Variants in ZC3H12B observed in about 807,000 individuals in gnomAD.
ZC3H12B encodes the protein zinc finger CCCH-type containing 12B.
A neutral mutation model predicts 43.9 loss-of-function variants in ZC3H12B; 7 were observed. The ratio of observed to expected loss-of-function variants is 0.16; its 90% CI spans 0.09 to 0.30. The LOEUF (loss-of-function observed/expected upper bound fraction) is 0.30, where lower values mean the gene tolerates loss of function less well. Ranked by LOEUF, ZC3H12B falls within the 10% of genes least tolerant of loss-of-function variation. The pLI is 1.00. For synonymous variants in ZC3H12B, 222 were observed against 241.7 expected, an observed-to-expected ratio of 0.92 and a Z score of 0.76; for missense variants, 475 against 670.2, an observed-to-expected ratio of 0.71 and a Z score of 3.22.
At chrX:65,169,384 C>G in the ZC3H12B span, among the ~76,000 whole-genome samples, 1 of 111,998 alleles carries the variant, frequency 8.9e-6, no homozygotes, top group East Asian at 2.8e-4. Flanking sequence ...TTTGATTGCA[C>G]TGTGGTCTGA....
the ZC3H12B span, among the ~76,000 whole-genome samples, chrX:65,065,041 A>G: frequency 9.1e-6 from 1 of 110,390 alleles, no homozygotes; most frequent in South Asian, 3.9e-4. Flanking sequence ...GTGTCTTTGC[A>G]CATGAGATGG....
intron 3 of ZC3H12B, among the ~76,000 whole-genome samples, chrX:65,481,764 T>C (rs1041063766): frequency 8.9e-6 from 1 of 112,331 alleles, no homozygotes; most frequent in African/African-American, 3.2e-5. Flanking sequence ...GAGCAGCTCT[T>C]GAAAAAAGCA....
At chrX:65,276,440 A>T in the ZC3H12B span, among the ~76,000 whole-genome samples, 5 of 111,530 alleles carry the variant, frequency 4.5e-5, no homozygotes, top group Admixed American at 9.5e-5. Context: ...TTATAAAACC[A>T]GCAAGAGAAA....
chrX:65,391,013 A>G (rs186401215), intron 2 of ZC3H12B, among the ~76,000 whole-genome samples: 28 of 112,287 alleles, frequency 2.5e-4, no homozygotes, highest in Admixed American at 2.2e-3. Flanking sequence ...ACACTGGGAC[A>G]GACTGAGACA....
At chrX:65,353,446 C>G in the ZC3H12B span, among the ~76,000 whole-genome samples, 2 of 111,971 alleles carry the variant, frequency 1.8e-5, no homozygotes, top group African/African-American at 6.5e-5. Flanking sequence ...AGAACAAACA[C>G]TAGACATCAT....
At chrX:65,042,712 T>C in the ZC3H12B span, among the ~76,000 whole-genome samples, 1 of 112,262 alleles carries the variant, frequency 8.9e-6, no homozygotes, top group Non-Finnish European at 1.9e-5. Context: ...GGATTTTTGG[T>C]TGTACATAAT....
intron 1 of ZC3H12B, among the ~76,000 whole-genome samples, chrX:65,368,546 C>T (rs2066204628): frequency 9.0e-6 from 1 of 111,656 alleles, no homozygotes; most frequent in Non-Finnish European, 1.9e-5. Context: ...TGTAACTCAG[C>T]TATTATTCTT....
chrX:65,255,005 A>G, the ZC3H12B span, among the ~76,000 whole-genome samples: 1 of 111,524 alleles, frequency 9.0e-6, no homozygotes, highest in African/African-American at 3.3e-5. Context: ...AGACCAAAAA[A>G]TAAAAATAAA....
the ZC3H12B span, among the ~76,000 whole-genome samples, chrX:65,224,755 T>C: frequency 8.9e-6 from 1 of 112,035 alleles, no homozygotes; most frequent in East Asian, 2.8e-4. Flanking sequence ...CCTAGGCCCA[T>C]GGAGTCTCGC....
chrX:65,461,541 T>C (rs1190933113), intron 3 of ZC3H12B, among the ~76,000 whole-genome samples: 1 of 112,129 alleles, frequency 8.9e-6, no homozygotes, highest in African/African-American at 3.2e-5. Context: ...GATGAGTTCT[T>C]GTCCTTTGTA....
At chrX:65,094,673 ACACT>A in the ZC3H12B span, among the ~76,000 whole-genome samples, 1 of 112,844 alleles carries the variant, frequency 8.9e-6, no homozygotes, top group East Asian at 2.8e-4. Flanking sequence ...TCAATACCAC[ACACT>A]CACAGTAAAA....
At chrX:65,068,105 C>A in the ZC3H12B span, among the ~76,000 whole-genome samples, 2 of 60,776 alleles carry the variant, frequency 3.3e-5, no homozygotes, top group Admixed American at 1.7e-4. Flanking sequence ...CTTGATGTTA[C>A]TTTTTTTTTT....
chrX:65,095,268 T>C, the ZC3H12B span, among the ~76,000 whole-genome samples: 4 of 111,848 alleles, frequency 3.6e-5, no homozygotes, highest in South Asian at 1.1e-3. Context: ...TACAGAATCA[T>C]GAGTTTAAAA....
chrX:65,119,861 A>T, the ZC3H12B span, among the ~76,000 whole-genome samples: 1 of 112,151 alleles, frequency 8.9e-6, no homozygotes, highest in South Asian at 3.7e-4. Flanking sequence ...AGCTTTCTAC[A>T]TATGGCTAGC....
the ZC3H12B span, among the ~76,000 whole-genome samples, chrX:65,238,824 C>T: frequency 2.7e-5 from 3 of 111,854 alleles, no homozygotes; most frequent in Non-Finnish European, 5.6e-5. Flanking sequence ...TTGATATCTG[C>T]CTTAATTTCA....
At chrX:65,057,939 C>A in the ZC3H12B span, among the ~76,000 whole-genome samples, 22 of 111,949 alleles carry the variant, frequency 2.0e-4, no homozygotes, top group African/African-American at 7.1e-4. Flanking sequence ...TCCTTCTGGT[C>A]ATTTAACGAC....
chrX:65,083,428 A>G, the ZC3H12B span, among the ~76,000 whole-genome samples: 1 of 112,237 alleles, frequency 8.9e-6, no homozygotes, highest in Admixed American at 9.4e-5. Context: ...TAGAAAATCG[A>G]CATAACAACA....
At chrX:65,135,951 A>C in the ZC3H12B span, among the ~76,000 whole-genome samples, 7 of 110,562 alleles carry the variant, frequency 6.3e-5, no homozygotes, top group African/African-American at 2.3e-4. Context: ...AAGTGTTTTC[A>C]TAGTTGTTTA....
chrX:65,080,616 A>G, the ZC3H12B span, among the ~76,000 whole-genome samples: 1 of 112,020 alleles, frequency 8.9e-6, no homozygotes, highest in Non-Finnish European at 1.9e-5. Flanking sequence ...TCACCCTAGA[A>G]TAGTATATCT....
Sources: allele counts gnomAD v4.1 joint callset (sites outside exome capture counted in the v4.1 genomes callset), GRCh38; gene constraint gnomAD v4.1.1; transcripts MANE v1.5; gene names NCBI Gene and HGNC (gene_info 2026-07-23, HGNC 2026-07-21).